HIP1R: variants seen among roughly 807,000 people sequenced by gnomAD.
HIP1R encodes the protein huntingtin interacting protein 1 related.
A neutral mutation model predicts 144.2 loss-of-function variants in HIP1R; 135 were observed. That is an observed-to-expected ratio of 0.94 (90% confidence interval 0.81 to 1.08). The LOEUF (loss-of-function observed/expected upper bound fraction) is 1.08. Ranked by LOEUF, HIP1R falls within the 50% of genes least tolerant of loss-of-function variation. HIP1R has a pLI of 0.00. For synonymous variants in HIP1R, 698 were observed against 612.8 expected (o/e 1.14, Z -2.05); for missense variants, 1,462 against 1,432.8 (o/e 1.02, Z -0.33).
rs148243167 is a variant in HIP1R, at chr12:122,853,777, C to A, written c.578-266C>A. The A allele has an allele frequency of 2.7e-3, 1,041 of 382,294 alleles. 15 individuals are homozygous for A. The highest frequency in any genetic ancestry group is 0.02 in the African/African-American group (961 of 48,098). 23.7% of individuals were successfully genotyped at this position (382,294 alleles called of 1,614,324 possible). ...TGTCAGTCGGGCACCTCGTCCTGGG[C>A]TCCCAGGTGGAGGTCTCTGGAAGCC... On this transcript the variant is annotated intron_variant, in intron 7 of 31. Coordinates refer to ENST00000253083, the MANE Select transcript of HIP1R (RefSeq NM_003959.3).
At chr12:122,834,837 A>T, upstream of HIP1R, 2 of 691,636 alleles carry the variant, frequency 2.9e-6, no homozygotes, top group Non-Finnish European at 4.4e-6. Flanking sequence ...TAACAGCTGC[A>T]GCTATGTCAG....
At chr12:122,843,222 C>G (rs1411606722) in intron 1 of HIP1R, among the ~76,000 whole-genome samples, 1 of 152,256 alleles carries the variant, frequency 6.6e-6, no homozygotes. Context: ...GAAGGCCATG[C>G]AGCCCAGGGC....
intron 5 of HIP1R, 101 bp from the exon 6 acceptor site, chr12:122,850,734 T>G: frequency 4.7e-6 from 2 of 424,564 alleles, no homozygotes; most frequent in Non-Finnish European, 7.7e-6. Flanking sequence ...TGGGGGGCCC[T>G]GGTTCAGTGG....
At position 122,860,949 on chromosome 12, in the gene HIP1R, C is replaced by A; in HGVS notation, c.2800C>A (p.Arg934Ser). 6.2e-7 allele frequency: 1 copy of A among 1,613,282 alleles called. No homozygotes were observed. The change falls in exon 29 of 32, where the codon CGC becomes AGC. Residue 934 changes from arginine (R) to serine (S), a missense_variant. Coordinates refer to ENST00000253083, the MANE Select transcript of HIP1R (RefSeq NM_003959.3). ...KANKHSPHLS[R>S]LQECSRTVNE... is the part of the protein sequence containing the mutation. ...CAACAAGCACAGCCCCCACCTGAGC[C>A]GCCTGCAGGAATGTTCTCGCACAGT... is the stretch of plus-strand genomic sequence containing the variant.
intron 7 of HIP1R, among the ~76,000 whole-genome samples, chr12:122,852,602 A>G (rs953322188): frequency 1.3e-5 from 2 of 152,216 alleles, no homozygotes; most frequent in African/African-American, 2.4e-5. Flanking sequence ...AGAAATTCCC[A>G]GATCTGCAGA....
In HIP1R at chr12:122,854,939, C is replaced by A. The variant is rs1422229602; in HGVS notation, c.753C>A (p.Asp251Glu). The A allele has an allele frequency of 6.2e-7, 1 of 1,612,332 alleles. No homozygotes were observed. The highest frequency in any genetic ancestry group is 8.5e-7 in the Non-Finnish European group (1 of 1,179,496). The change falls in exon 9 of 32, where the codon GAC becomes GAA. Residue 251 changes from aspartate to glutamate, a missense_variant. Coordinates refer to ENST00000253083, the MANE Select transcript of HIP1R (RefSeq NM_003959.3). ...CGGACACCCTGCAAGGCCACAGGGA[C>A]CGGTTCCACGAGCAGTTTCACAGGT... ...LPADTLQGHRDRFHEQFHSLR... is the reference protein window; with the variant it reads ...LPADTLQGHRERFHEQFHSLR...
At chr12:122,847,904 C>A (rs537654808) in intron 1 of HIP1R, 127 bp from the exon 2 acceptor site, 30 of 743,646 alleles carry the variant, frequency 4.0e-5, no homozygotes, top group Non-Finnish European at 6.1e-5. Context: ...ATTCCTGTCT[C>A]CCCCATCGCT....
At position 122,861,456 on chromosome 12, in the gene HIP1R, C is replaced by T. The variant is rs548351313; in HGVS notation, c.3101C>T (p.Thr1034Ile). 2.5e-6 allele frequency: 4 copies of T among 1,613,444 alleles called. No individual in the cohort carries two copies. In the East Asian group the frequency reaches 6.7e-5, roughly 27 times the overall value. Residue 1034 changes from threonine to isoleucine, a missense_variant, in exon 31 of 32, where the codon ACC becomes ATC. Thr to Ile is a moderately conservative substitution (Grantham distance 89, BLOSUM62 -1). Transcript: ENST00000253083. ...IRPSTAPRSV[T>I]TKKPPLAQKP... Reference sequence around the variant, plus strand: ...CCCAGCACTGCCCCCCGAAGTGTAACCACCAAGAAACCACCCCTGGCCCAG... The same window carrying T: ...CCCAGCACTGCCCCCCGAAGTGTAATCACCAAGAAACCACCCCTGGCCCAG...
rs541234984 is a variant in HIP1R, at chr12:122,855,198, A to G, written c.853-67A>G. The G allele has an allele frequency of 4.9e-5, 79 of 1,611,028 alleles. No homozygotes were observed. The African/African-American group carries it at 9.7e-4, about 20-fold the overall frequency. On this transcript the variant is annotated intron_variant, in intron 10 of 31. Transcript: ENST00000253083. ...CACCTGGCTGGGCCCCACACAGGCT[A>G]TGGAGATGGCGGAAGGAGGGCTTGC...
chr12:122,846,668 C>A (rs1033078376), intron 1 of HIP1R, among the ~76,000 whole-genome samples: 2 of 152,164 alleles, frequency 1.3e-5, no homozygotes, highest in African/African-American at 4.8e-5. Flanking sequence ...GGGAGCAGGG[C>A]TCAGGGCAGC....
intron 18 of HIP1R, chr12:122,857,838 A>G (rs1005111736): frequency 2.5e-6 from 1 of 399,544 alleles, no homozygotes; most frequent in African/African-American, 2.0e-5. Context: ...AGGGTGCTAC[A>G]TATCTTTTCA....
chr12:122,859,996 G>T lies in HIP1R; in HGVS notation c.2466-51G>T, dbSNP rs371006222. 24 of 1,526,612 alleles carry T rather than the reference G, an allele frequency of 1.6e-5. No individual in the cohort carries two copies. In the African/African-American group the frequency reaches 2.3e-4, roughly 15 times the overall value. The allele number at this position is 1,526,612 out of a possible 1,614,324, so 94.6% of individuals were successfully genotyped here. A position where few individuals can be genotyped will look rare whatever the true frequency, so the allele number is the denominator to read the frequency against. On this transcript the variant is annotated intron_variant, in intron 24 of 31. Transcript: ENST00000253083. ...ATGTGGCCAGGCCCGCCATGGCGTC[G>T]TGTGGGCTGCTCTGCAGAGCGGCAG...
At position 122,856,533 on chromosome 12, in the gene HIP1R, G is replaced by C. The variant is rs146640812; in HGVS notation, c.1503G>C (p.Arg501=). Residue 501 remains arginine (R), a synonymous_variant, in exon 16 of 32, where the codon CGG becomes CGC. Transcript: ENST00000253083. The part of the protein sequence containing the change: ...QLAFQVEQVK[R]ESELKLEEKS... ...CCTTCCAGGTGGAGCAGGTGAAGCG[G>C]GAGTCGGAGTTGAAGGTATGTCCCT... 6.3e-7 allele frequency: 1 copy of C among 1,599,910 alleles called. No homozygotes were observed. The highest frequency in any genetic ancestry group is 2.3e-5 in the East Asian group (1 of 44,346).
chr12:122,835,991 G>A (rs1244192626), intron 1 of HIP1R, among the ~76,000 whole-genome samples: 1 of 151,536 alleles, frequency 6.6e-6, no homozygotes, highest in Non-Finnish European at 1.5e-5. Context: ...GATGGGGCCG[G>A]GGTTGGGTGT....
chr12:122,843,201 C>T (rs1157829971), intron 1 of HIP1R, among the ~76,000 whole-genome samples: 1 of 152,222 alleles, frequency 6.6e-6, no homozygotes, highest in East Asian at 1.9e-4. Flanking sequence ...CTAGCCCGCA[C>T]CCTGAACTGT....
intron 13 of HIP1R, 21 bp from the exon 14 acceptor site, chr12:122,855,959 A>G: frequency 6.4e-7 from 1 of 1,574,540 alleles, no homozygotes. Context: ...GCAGGGCCCC[A>G]CGTCACACCT....
chr12:122,835,967 C>T (rs1198614697), intron 1 of HIP1R, among the ~76,000 whole-genome samples: 3 of 148,016 alleles, frequency 2.0e-5, no homozygotes, highest in East Asian at 2.0e-4. Flanking sequence ...GGAGCTGAGG[C>T]GGCGGGGGAC....
chr12:122,852,233 C>T (rs1012437520), intron 7 of HIP1R, among the ~76,000 whole-genome samples: 18 of 152,314 alleles, frequency 1.2e-4, no homozygotes, highest in African/African-American at 3.8e-4. Flanking sequence ...GCTGGGCGAG[C>T]CTGATGGGTA....
Position 122,836,180 on chromosome 12 carries a change from C to T in HIP1R, c.93+537C>T, listed in dbSNP as rs1475500849. ...ATTTCCTTAAAGGAAATTCCTTAAA[C>T]TCCCAGCTTCCTTCTCTCGTGAGCG... On this transcript the variant is annotated intron_variant, in intron 1 of 31. Coordinates refer to ENST00000253083, the MANE Select transcript of HIP1R (RefSeq NM_003959.3). The surrounding 1 kb of genome is among the most constrained non-coding windows in gnomAD (Gnocchi z 4.1). Among the ~76,000 whole-genome samples the T allele has an allele frequency of 6.6e-6, 1 of 152,212 alleles. No homozygotes were observed. Among genetic ancestry groups the T allele is most frequent in the Admixed American group, 6.5e-5 (1 of 15,296 alleles).
Sources: allele counts gnomAD v4.1 joint callset (sites outside exome capture counted in the v4.1 genomes callset), GRCh38; gene constraint gnomAD v4.1.1; non-coding constraint Gnocchi (gnomAD v3.1); transcripts MANE v1.5; gene names NCBI Gene and HGNC (gene_info 2026-07-23, HGNC 2026-07-21).